The following RAD17 variants were observed in gnomAD, a reference collection of about 807,000 sequenced individuals.
RAD17 encodes cell cycle checkpoint protein RAD17.
In RAD17, 31 loss-of-function variants were observed where a neutral mutation model predicts 81.5. The ratio of observed to expected loss-of-function variants is 0.38; its 90% CI spans 0.29 to 0.51. RAD17 has a LOEUF of 0.51. RAD17 is among the 20% of genes least tolerant of loss of function. RAD17 has a pLI of 0.88. For missense variants in RAD17, 681 were observed against 781.2 expected (o/e 0.87, Z 1.53); for synonymous variants, 261 against 266.2 (o/e 0.98, Z 0.19).
At chr5:69,406,575 C>T (rs1043777382) in intron 17 of RAD17, among the ~76,000 whole-genome samples, 19 of 152,072 alleles carry the variant, frequency 1.2e-4, no homozygotes, top group Admixed American at 7.9e-4. Context: ...GATCACGGCT[C>T]ACTGCAGCCT....
At chr5:69,398,279 AC>A (rs1288573245) in intron 16 of RAD17, among the ~76,000 whole-genome samples, 1 of 152,232 alleles carries the variant, frequency 6.6e-6, no homozygotes, top group Non-Finnish European at 1.5e-5. Context: ...ATAAATACAT[AC>A]AGAGCTTATT....
At position 69,396,401 on chromosome 5, in the gene RAD17, G is replaced by C; in HGVS notation, c.1427G>C (p.Arg476Pro). ...ADILSGDWNT[R>P]SLLREYSTSI... ...ACATCTTGTCTCATTTGTTAGACAC[G>C]CTCTTTACTCAGGGAATATAGCACA... Residue 476 changes from arginine to proline, a missense_variant, in exon 16 of 19, where the codon CGC becomes CCC. By Grantham distance (103) the Arg-to-Pro change is moderately radical (BLOSUM62 -2). Transcript: ENST00000354868. The C allele has an allele frequency of 6.2e-7, 1 of 1,607,526 alleles. No homozygotes were observed.
rs540333575 is a variant in RAD17 at position 69,382,579 on chromosome 5, T to G, written c.508+522T>G. Among the ~76,000 whole-genome samples the G allele has an allele frequency of 7.2e-5, 11 of 152,336 alleles. No individual in the cohort carries two copies. In the East Asian group the frequency reaches 2.1e-3, roughly 29 times the overall value. ...TCTTCTGTTTGCATTATTTATCTGC[T>G]TTTTTCTAAGATCTGGCTAGGAGGT... On this transcript the variant is annotated intron_variant, in intron 7 of 18. Transcript: ENST00000354868.
intron 15 of RAD17, among the ~76,000 whole-genome samples, chr5:69,393,919 T>TTTG (rs1358935768): frequency 6.9e-6 from 1 of 145,122 alleles, no homozygotes; most frequent in East Asian, 2.0e-4. Context: ...TTTTTTTTTT[T>TTTG]TTTTTTTTTT....
chr5:69,386,201 A>G lies in RAD17; in HGVS notation c.720A>G (p.Arg240=), dbSNP rs747137508. The G allele has an allele frequency of 1.2e-6, 2 of 1,606,396 alleles. No homozygotes were observed. Among genetic ancestry groups the G allele is most frequent in the Non-Finnish European group, 1.7e-6 (2 of 1,175,994 alleles). The change falls in exon 10 of 19, where the codon CGA becomes CGG. Residue 240 remains arginine, a synonymous_variant. Coordinates refer to ENST00000354868, the MANE Select transcript of RAD17 (RefSeq NM_133338.3). The part of the protein sequence containing the change: ...EVLRKYVRIG[R]CPLIFIISDS... Reference sequence around the variant, plus strand: ...TTAGGAAGTATGTGAGGATTGGTCGATGTCCTCTTATATTTATAATCTCGG... The same window carrying G: ...TTAGGAAGTATGTGAGGATTGGTCGGTGTCCTCTTATATTTATAATCTCGG...
At chr5:69,374,431 A>G (rs1400627366) in intron 5 of RAD17, among the ~76,000 whole-genome samples, 197 bp from the exon 6 acceptor site, 1 of 152,200 alleles carries the variant, frequency 6.6e-6, no homozygotes, top group Non-Finnish European at 1.5e-5. Context: ...ATTATCATAC[A>G]GAGGTATCAA....
intron 11 of RAD17, among the ~76,000 whole-genome samples, chr5:69,386,812 A>T (rs1265246084): frequency 2.0e-5 from 3 of 150,062 alleles, no homozygotes; most frequent in Non-Finnish European, 4.4e-5. Flanking sequence ...TTATTTTCAC[A>T]TTTTTTTTAA....
chr5:69,385,930 GT>G, intron 8 of RAD17, 112 bp from the exon 9 acceptor site: 2 of 1,099,320 alleles, frequency 1.8e-6, no homozygotes, highest in Non-Finnish European at 2.4e-6. Flanking sequence ...TGAAAGTTCT[GT>G]TTAAAATACA....
At chr5:69,405,778 A>G (rs1287766226) in intron 17 of RAD17, among the ~76,000 whole-genome samples, 1 of 152,112 alleles carries the variant, frequency 6.6e-6, no homozygotes, top group Non-Finnish European at 1.5e-5. Context: ...GCAGTGGCTC[A>G]TGCCTGTAAT....
intron 18 of RAD17, among the ~76,000 whole-genome samples, chr5:69,412,020 G>C (rs138269600): frequency 6.6e-6 from 1 of 151,906 alleles, no homozygotes; most frequent in Non-Finnish European, 1.5e-5. Flanking sequence ...GCAGTAGCAC[G>C]ATCTCGGCTC....
chr5:69,385,007 TG>T lies in RAD17; in HGVS notation c.645+76del, dbSNP rs1375207333. The stretch of plus-strand genomic sequence containing the variant: ...CTTGCTGTGTCACTGTCACCCAGGC[TG>T]GAGTGCAGTGGCGCGATCTCAGCTC... On this transcript the variant is annotated intron_variant, in intron 8 of 18. Transcript: ENST00000354868. 1.2e-5 allele frequency: 15 copies of T among 1,275,360 alleles called. No individual in the cohort carries two copies. In the East Asian group the frequency reaches 3.7e-4, roughly 31 times the overall value. 79.0% of individuals were successfully genotyped at this position (1,275,360 alleles called of 1,614,324 possible).
At chr5:69,412,501 A>C (rs889045551) in intron 18 of RAD17, among the ~76,000 whole-genome samples, 2 of 152,126 alleles carry the variant, frequency 1.3e-5, no homozygotes, top group Non-Finnish European at 2.9e-5. Flanking sequence ...AATACTATTT[A>C]CTTAGGGTGA....
intron 16 of RAD17, 27 bp from the exon 17 acceptor site, chr5:69,400,022 C>T: frequency 1.4e-6 from 2 of 1,467,204 alleles, no homozygotes; most frequent in Non-Finnish European, 1.8e-6. Flanking sequence ...TTTTTCCTTT[C>T]ATCTTTTTTT....
At chr5:69,393,910 T>TTTTG (rs1332941503) in intron 15 of RAD17, among the ~76,000 whole-genome samples, 2 of 63,374 alleles carry the variant, frequency 3.2e-5, no homozygotes, top group Non-Finnish European at 1.0e-4. Flanking sequence ...TTATGGTGGT[T>TTTTG]TTTTTTTTTT....
At chr5:69,372,662 A>G (rs1763079393) in intron 4 of RAD17, among the ~76,000 whole-genome samples, 1 of 151,910 alleles carries the variant, frequency 6.6e-6, no homozygotes, top group African/African-American at 2.4e-5. Context: ...CCCGGGCTGG[A>G]GTGCAGTGGG....
At chr5:69,381,261 A>G (rs890604116) in intron 6 of RAD17, among the ~76,000 whole-genome samples, 5 of 152,060 alleles carry the variant, frequency 3.3e-5, no homozygotes, top group Non-Finnish European at 5.9e-5. Flanking sequence ...CGGGCAAATC[A>G]CGAGGTCAGG....
In RAD17 at chr5:69,410,981, A is replaced by G. The variant is rs1340704681; in HGVS notation, c.1751+431A>G. Among the ~76,000 whole-genome samples, 9 of 143,694 alleles carry G rather than the reference A, an allele frequency of 6.3e-5. 2 individuals are homozygous for G. Among genetic ancestry groups the G allele is most frequent in the Admixed American group, 2.8e-4 (4 of 14,362 alleles). The allele number at this position is 143,694 out of a possible 152,430, so 94.3% of individuals were successfully genotyped here. On this transcript the variant is annotated intron_variant, in intron 18 of 18. Transcript: ENST00000354868. ...GATGTCTGTCTATATATATATATAT[A>G]TATATATATATATATACTGTTCATT...
intron 18 of RAD17, among the ~76,000 whole-genome samples, chr5:69,412,258 G>A (rs992455979): frequency 9.9e-5 from 15 of 152,044 alleles, no homozygotes; most frequent in South Asian, 6.2e-4. Flanking sequence ...GCCTGGCCAC[G>A]AGAGGCAGTA....
At chr5:69,377,454 T>TACACACAC (rs1561238692) in intron 6 of RAD17, among the ~76,000 whole-genome samples, 52 of 8,590 alleles carry the variant, frequency 6.1e-3, no homozygotes, top group African/African-American at 7.8e-3. Flanking sequence ...TATATATATA[T>TACACACAC]ATATATATAT....
Sources: gnomAD v4.1 joint callset for allele counts (sites outside exome capture counted in the v4.1 genomes callset) on GRCh38, gnomAD v4.1.1 for gene constraint, MANE v1.5 for transcripts, NCBI Gene and HGNC (gene_info 2026-07-23, HGNC 2026-07-21) for gene names.